Variants in CLSTN2 observed in about 807,000 individuals in gnomAD.
The protein encoded by CLSTN2 is calsyntenin 2, also known as calsyntenin-2.
A neutral mutation model predicts 101.2 loss-of-function variants in CLSTN2; 48 were observed. The observed-to-expected ratio is 0.47, with a 90% CI of 0.38 to 0.60. The LOEUF is 0.60. Among genes scored for constraint, CLSTN2 ranks in the 20% least tolerant of loss-of-function variants. The pLI is 0.00. For missense variants in CLSTN2, 1,160 were observed against 1,238.2 expected (o/e 0.94, Z 0.95); for synonymous variants, 481 against 463.6 (o/e 1.04, Z -0.48).
At chr3:139,979,449 A>T (rs951216505) in intron 1 of CLSTN2, among the ~76,000 whole-genome samples, 3 of 152,180 alleles carry the variant, frequency 2.0e-5, no homozygotes, top group African/African-American at 7.2e-5. Flanking sequence ...ACATGCCTGG[A>T]TCTGTGGAAG....
At chr3:140,295,152 C>T (rs549786417) in intron 2 of CLSTN2, among the ~76,000 whole-genome samples, 3 of 152,218 alleles carry the variant, frequency 2.0e-5, no homozygotes, top group South Asian at 2.1e-4. Context: ...TAGGAAAAAG[C>T]CATATCTTGC....
chr3:140,362,243 GTA>G (rs1374991442), intron 2 of CLSTN2, among the ~76,000 whole-genome samples: 1 of 152,138 alleles, frequency 6.6e-6, no homozygotes, highest in Non-Finnish European at 1.5e-5. Context: ...AATAGTGCTA[GTA>G]TAATATATCC....
intron 1 of CLSTN2, among the ~76,000 whole-genome samples, chr3:140,088,189 G>A (rs892587016): frequency 6.6e-5 from 10 of 152,278 alleles, no homozygotes; most frequent in African/African-American, 1.4e-4. Context: ...TTAGAGCACT[G>A]TTATCACAGA....
chr3:140,092,584 C>T (rs545587441), intron 1 of CLSTN2, among the ~76,000 whole-genome samples: 5 of 152,228 alleles, frequency 3.3e-5, no homozygotes, highest in Non-Finnish European at 2.9e-5. Flanking sequence ...CCAGCCACTG[C>T]GGGGTGTGCC....
rs66697366 is a variant in CLSTN2 at position 139,938,140 on chromosome 3, C to CAA, written c.109+2675_109+2676dup. On this transcript the variant is annotated intron_variant, in intron 1 of 16. Coordinates refer to ENST00000458420, the MANE Select transcript of CLSTN2 (RefSeq NM_022131.3). ...GTTCATACCATTGTTATTCCCATCA[C>CAA]AAAAAAAAAAAAAAAAAAATCAGGA... 8.5e-3 allele frequency among the ~76,000 whole-genome samples: 807 copies of CAA among 94,726 alleles called. 5 individuals carry two copies. The highest frequency in any genetic ancestry group is 0.019 in the African/African-American group (442 of 23,546). 62.1% of individuals were successfully genotyped at this position (94,726 alleles called of 152,430 possible).
intron 1 of CLSTN2, among the ~76,000 whole-genome samples, chr3:140,121,838 T>C (rs2009345616): frequency 6.6e-6 from 1 of 152,190 alleles, no homozygotes; most frequent in Non-Finnish European, 1.5e-5. Context: ...CTGTCTTTCA[T>C]AGGCTGGACA....
intron 2 of CLSTN2, among the ~76,000 whole-genome samples, chr3:140,231,255 C>T (rs1025478689): frequency 5.3e-5 from 8 of 152,102 alleles, no homozygotes; most frequent in Non-Finnish European, 8.8e-5. Context: ...CACACCCTCC[C>T]GTCTCCCTGG....
At chr3:140,288,747 G>A (rs1218619668) in intron 2 of CLSTN2, among the ~76,000 whole-genome samples, 6 of 152,050 alleles carry the variant, frequency 3.9e-5, no homozygotes, top group Admixed American at 2.6e-4. Flanking sequence ...AACAATTTCT[G>A]AGGGATTTAA....
At position 140,356,392 on chromosome 3, in the gene CLSTN2, A is replaced by G. The variant is rs578134152; in HGVS notation, c.233-47237A>G. On this transcript the variant is annotated intron_variant, in intron 2 of 16. Coordinates refer to ENST00000458420, the MANE Select transcript of CLSTN2 (RefSeq NM_022131.3). ...CACCAAAACTTCTATGACTGACAAA[A>G]CTCTCTGTGAGGCAAGCCCTACATG... Among the ~76,000 whole-genome samples, 43 of 152,064 alleles carry G rather than the reference A, an allele frequency of 2.8e-4. 1 individual carries two copies. In the South Asian group the frequency reaches 9.0e-3, roughly 32 times the overall value.
Position 140,459,779 on chromosome 3 carries a change from T to C in CLSTN2, c.1222+10T>C. On this transcript the variant is annotated intron_variant, in intron 7 of 16. Transcript: ENST00000458420. ...AACTCAGACAAAACCGGTGAGTCTC[T>C]AGCCCAGCCCTTCCACCCCTCCTAC... The C allele has an allele frequency of 6.3e-7, 1 of 1,595,666 alleles. No homozygotes were observed.
chr3:140,533,199 AG>A (rs1465094774), intron 9 of CLSTN2, among the ~76,000 whole-genome samples: 6 of 152,300 alleles, frequency 3.9e-5, no homozygotes, highest in African/African-American at 1.4e-4. Context: ...TCTCTCACTC[AG>A]GTCTGCTGGA....
intron 1 of CLSTN2, among the ~76,000 whole-genome samples, chr3:140,060,448 A>G (rs1560082850): frequency 6.6e-6 from 1 of 152,154 alleles, no homozygotes; most frequent in Non-Finnish European, 1.5e-5. Context: ...TGAACTCCAC[A>G]AGGGTAAGGG....
At chr3:140,011,948 T>G (rs1341951292) in intron 1 of CLSTN2, among the ~76,000 whole-genome samples, 1 of 152,070 alleles carries the variant, frequency 6.6e-6, no homozygotes, top group Admixed American at 6.6e-5. Context: ...CTGGGAGACC[T>G]GAAGGCCATT....
intron 2 of CLSTN2, among the ~76,000 whole-genome samples, chr3:140,367,502 A>G (rs1447487855): frequency 8.6e-6 from 1 of 116,436 alleles, no homozygotes; most frequent in African/African-American, 3.4e-5. Flanking sequence ...ACAGAGCAAC[A>G]CTTTGTCTCA....
chr3:140,243,217 C>T (rs2086486094), intron 2 of CLSTN2, among the ~76,000 whole-genome samples: 1 of 152,202 alleles, frequency 6.6e-6, no homozygotes, highest in South Asian at 2.1e-4. Context: ...GTAAAGCCTG[C>T]TGTTAATGGA....
intron 1 of CLSTN2, among the ~76,000 whole-genome samples, chr3:139,949,419 A>C (rs1421108462): frequency 6.6e-6 from 1 of 152,146 alleles, no homozygotes; most frequent in East Asian, 1.9e-4. Flanking sequence ...GTACACACAC[A>C]TAAGGGCTGG....
chr3:140,016,802 A>T (rs1576398024), intron 1 of CLSTN2, among the ~76,000 whole-genome samples: 1 of 151,446 alleles, frequency 6.6e-6, no homozygotes, highest in Admixed American at 6.6e-5. Flanking sequence ...TGAAAAAAAA[A>T]AAAAAAAAAA....
chr3:140,323,882 A>AG (rs2087306837), intron 2 of CLSTN2, among the ~76,000 whole-genome samples: 1 of 152,238 alleles, frequency 6.6e-6, no homozygotes, highest in African/African-American at 2.4e-5. Flanking sequence ...TCCTGAGACT[A>AG]AGCTCTTGCT....
intron 2 of CLSTN2, among the ~76,000 whole-genome samples, chr3:140,227,577 G>A (rs998533072): frequency 6.6e-6 from 1 of 152,182 alleles, no homozygotes. Flanking sequence ...GCTCCACTAG[G>A]GAGTGCCCCA....
Sources: gnomAD v4.1 joint callset for allele counts (sites outside exome capture counted in the v4.1 genomes callset) on GRCh38, gnomAD v4.1.1 for gene constraint, MANE v1.5 for transcripts, NCBI Gene and HGNC (gene_info 2026-07-23, HGNC 2026-07-21) for gene names.